Variants in DLG2 observed in about 807,000 individuals in gnomAD.
DLG2 encodes the protein disks large homolog 2.
A neutral mutation model predicts 132.5 loss-of-function variants in DLG2; 45 were observed. The observed-to-expected ratio is 0.34, with a 90% CI of 0.27 to 0.44. The LOEUF (loss-of-function observed/expected upper bound fraction) is 0.44. Ranked by LOEUF, DLG2 falls within the 20% of genes least tolerant of loss-of-function variation. The pLI is 1.00. For synonymous variants in DLG2, 424 were observed against 419.6 expected, an observed-to-expected ratio of 1.01 and a Z score of -0.13; for missense variants, 1,045 against 1,196.9, an observed-to-expected ratio of 0.87 and a Z score of 1.87.
At chr11:83,634,811 T>C (rs1299080628) in intron 18 of DLG2, among the ~76,000 whole-genome samples, 2 of 152,208 alleles carry the variant, frequency 1.3e-5, no homozygotes, top group African/African-American at 2.4e-5. Flanking sequence ...AAATAAACTC[T>C]GAATATTAAA....
intron 7 of DLG2, among the ~76,000 whole-genome samples, chr11:84,521,407 A>C (rs2099300020): frequency 6.6e-6 from 1 of 152,206 alleles, no homozygotes; most frequent in Non-Finnish European, 1.5e-5. Flanking sequence ...TCTCAGCTAT[A>C]GTGTTAGCTA....
At chr11:85,160,107 G>T (rs1325138166) in intron 4 of DLG2, among the ~76,000 whole-genome samples, 1 of 152,172 alleles carries the variant, frequency 6.6e-6, no homozygotes, top group Non-Finnish European at 1.5e-5. Context: ...GCTGAATTTG[G>T]CCCCTCCTAC....
intron 11 of DLG2, among the ~76,000 whole-genome samples, chr11:84,018,877 T>C (rs1358119449): frequency 6.6e-6 from 1 of 151,434 alleles, no homozygotes; most frequent in South Asian, 2.1e-4. Flanking sequence ...ACTAAAATAG[T>C]GTATCCAGGA....
At chr11:83,516,344 A>C (rs1332839799) in intron 21 of DLG2, among the ~76,000 whole-genome samples, 2 of 152,062 alleles carry the variant, frequency 1.3e-5, no homozygotes, top group Non-Finnish European at 2.9e-5. Context: ...ACTAGGATTG[A>C]AACCCCTAGT....
chr11:85,449,109 T>A (rs1037346534), intron 3 of DLG2, among the ~76,000 whole-genome samples: 1 of 152,198 alleles, frequency 6.6e-6, no homozygotes, highest in African/African-American at 2.4e-5. Context: ...TTTTCTAACA[T>A]GTTAAATTGG....
chr11:85,614,064 CA>C (rs1315447236), intron 2 of DLG2, among the ~76,000 whole-genome samples: 1 of 152,174 alleles, frequency 6.6e-6, no homozygotes, highest in Non-Finnish European at 1.5e-5. Flanking sequence ...TGGACACATC[CA>C]AACATCAGAA....
chr11:85,559,323 A>C (rs574644032), intron 3 of DLG2, among the ~76,000 whole-genome samples: 10 of 150,886 alleles, frequency 6.6e-5, no homozygotes, highest in African/African-American at 2.4e-4. Context: ...GCTAATTTTT[A>C]TATTTTTAAT....
intron 7 of DLG2, among the ~76,000 whole-genome samples, chr11:84,335,214 T>TGAAGGAAGGGAAGGAAA (rs1289173911): frequency 8.7e-5 from 6 of 69,230 alleles, no homozygotes; most frequent in African/African-American, 3.5e-4. Flanking sequence ...AGGAAAGGAA[T>TGAAGGAAGGGAAGGAAA]GAAGGAAGGG....
intron 4 of DLG2, among the ~76,000 whole-genome samples, chr11:85,197,850 C>T (rs2081180829): frequency 6.6e-6 from 1 of 152,110 alleles, no homozygotes; most frequent in South Asian, 2.1e-4. Context: ...AAAGTCCTGC[C>T]ATTTATTATT....
intron 3 of DLG2, among the ~76,000 whole-genome samples, chr11:85,572,519 T>C (rs1218664529): frequency 6.6e-6 from 1 of 152,178 alleles, no homozygotes; most frequent in Admixed American, 6.6e-5. Context: ...CAGTTTGTTT[T>C]ATTTCCATTC....
chr11:84,076,174 A>G (rs184228536), intron 10 of DLG2, among the ~76,000 whole-genome samples: 113 of 152,300 alleles, frequency 7.4e-4, no homozygotes, highest in Admixed American at 5.0e-3. Flanking sequence ...CTTCAGTTTG[A>G]AGCATGGTAG....
At chr11:85,507,188 T>C (rs1352254466) in intron 3 of DLG2, among the ~76,000 whole-genome samples, 3 of 152,240 alleles carry the variant, frequency 2.0e-5, no homozygotes, top group Non-Finnish European at 2.9e-5. Flanking sequence ...TGTCTTTTAA[T>C]TGGGGCATTT....
chr11:84,029,902 A>AG (rs2095645620), intron 11 of DLG2, among the ~76,000 whole-genome samples: 1 of 152,166 alleles, frequency 6.6e-6, no homozygotes, highest in Non-Finnish European at 1.5e-5. Context: ...CCTTCTGAAA[A>AG]GGCCTTCCTT....
intron 18 of DLG2, among the ~76,000 whole-genome samples, chr11:83,772,307 G>T (rs762247744): frequency 5.3e-5 from 8 of 152,030 alleles, no homozygotes; most frequent in Non-Finnish European, 8.8e-5. Context: ...CTACCTGGAA[G>T]GCTGAGGTGG....
chr11:83,966,766 ACTT>A (rs2154161086), intron 12 of DLG2, among the ~76,000 whole-genome samples: 1 of 152,034 alleles, frequency 6.6e-6, no homozygotes, highest in East Asian at 1.9e-4. Context: ...GCTAAAATCT[ACTT>A]ATTTCGCAAA....
At chr11:85,134,413 C>T (rs1413946461) in intron 5 of DLG2, among the ~76,000 whole-genome samples, 2 of 148,382 alleles carry the variant, frequency 1.3e-5, no homozygotes, top group African/African-American at 4.9e-5. Context: ...CCTGTAGTCC[C>T]AGCTACTTGG....
chr11:83,546,360 T>C (rs2096243543), intron 19 of DLG2, among the ~76,000 whole-genome samples: 1 of 152,186 alleles, frequency 6.6e-6, no homozygotes, highest in Admixed American at 6.6e-5. Context: ...AGTTCTGCCA[T>C]TCTTAACTGT....
At chr11:84,085,279 T>C (rs754068047) in intron 10 of DLG2, among the ~76,000 whole-genome samples, 1 of 152,220 alleles carries the variant, frequency 6.6e-6, no homozygotes, top group African/African-American at 2.4e-5. Flanking sequence ...ACCATTTTCT[T>C]TTGTCTAGAG....
At chr11:85,077,363 T>A (rs1053700753) in intron 6 of DLG2, among the ~76,000 whole-genome samples, 1 of 151,960 alleles carries the variant, frequency 6.6e-6, no homozygotes, top group Non-Finnish European at 1.5e-5. Context: ...GAGGCCCACA[T>A]AGGAACTAAA....
Sources: allele counts gnomAD v4.1 joint callset (sites outside exome capture counted in the v4.1 genomes callset), GRCh38; gene constraint gnomAD v4.1.1; transcripts MANE v1.5; gene names NCBI Gene and HGNC (gene_info 2026-07-23, HGNC 2026-07-21).